Variants in NCKAP5 observed in about 807,000 individuals in gnomAD.
NCKAP5 encodes the protein nck-associated protein 5.
In NCKAP5, 92 loss-of-function variants were observed where a neutral mutation model predicts 167.0. The ratio of observed to expected loss-of-function variants is 0.55; its 90% CI spans 0.47 to 0.66. The LOEUF (loss-of-function observed/expected upper bound fraction) is 0.66. NCKAP5 is among the 30% of genes least tolerant of loss of function. NCKAP5 has a pLI of 0.00. For synonymous variants in NCKAP5, 891 were observed against 877.4 expected (o/e 1.02, Z -0.27); for missense variants, 2,378 against 2,315.0 (o/e 1.03, Z -0.56).
chr2:132,932,586 T>C (rs1696473981), intron 8 of NCKAP5, among the ~76,000 whole-genome samples: 1 of 152,142 alleles, frequency 6.6e-6, no homozygotes, highest in Non-Finnish European at 1.5e-5. Context: ...ATGGGAAAGG[T>C]GACAACTGCT....
intron 9 of NCKAP5, among the ~76,000 whole-genome samples, chr2:132,877,140 C>T (rs915095547): frequency 3.3e-5 from 5 of 152,126 alleles, no homozygotes; most frequent in Admixed American, 1.3e-4. Flanking sequence ...GACTGGACCA[C>T]GAGCCCAGGG....
intron 3 of NCKAP5, among the ~76,000 whole-genome samples, chr2:133,377,757 C>T (rs1406851388): frequency 6.6e-6 from 1 of 152,176 alleles, no homozygotes; most frequent in Non-Finnish European, 1.5e-5. Flanking sequence ...CAAAAGAACA[C>T]ATACCACATG....
chr2:132,762,539 C>A (rs1373943202), intron 16 of NCKAP5, among the ~76,000 whole-genome samples: 5 of 152,144 alleles, frequency 3.3e-5, no homozygotes, highest in African/African-American at 1.2e-4. Flanking sequence ...GGGGAAAGGG[C>A]AAAACTTACT....
chr2:132,774,429 A>G (rs1682366860), intron 15 of NCKAP5, among the ~76,000 whole-genome samples: 2 of 152,288 alleles, frequency 1.3e-5, no homozygotes, highest in South Asian at 4.1e-4. Context: ...GGAGATGACA[A>G]TGATGTATGT....
At chr2:132,842,720 T>C (rs1449205651) in intron 11 of NCKAP5, among the ~76,000 whole-genome samples, 1 of 147,246 alleles carries the variant, frequency 6.8e-6, no homozygotes, top group African/African-American at 2.5e-5. Flanking sequence ...ATGATTTTTC[T>C]TTTTCATTTT....
intron 8 of NCKAP5, among the ~76,000 whole-genome samples, chr2:132,883,268 A>G (rs893097508): frequency 6.0e-5 from 9 of 150,644 alleles, no homozygotes; most frequent in African/African-American, 2.2e-4. Context: ...ACTCCCTCCT[A>G]TTACATATCC....
chr2:132,675,518 T>C (rs10171205), intron 19 of NCKAP5, among the ~76,000 whole-genome samples: 8,812 of 152,080 alleles, frequency 0.058, 788 homozygotes, highest in African/African-American at 0.2. Flanking sequence ...TGCAAGTTCT[T>C]GGATCCCACC....
At chr2:133,293,493 G>T (rs556102650) in intron 4 of NCKAP5, among the ~76,000 whole-genome samples, 130 of 152,280 alleles carry the variant, frequency 8.5e-4, no homozygotes, top group African/African-American at 3.0e-3. Context: ...CTTTCTGGAC[G>T]TAGTTCTACT....
chr2:133,182,991 A>G (rs143572924), intron 5 of NCKAP5, among the ~76,000 whole-genome samples: 385 of 152,330 alleles, frequency 2.5e-3, no homozygotes, highest in African/African-American at 8.9e-3. Context: ...CACTGCATAC[A>G]TAAATTTGAC....
chr2:133,345,312 T>C (rs1293329027), intron 3 of NCKAP5, among the ~76,000 whole-genome samples: 1 of 152,000 alleles, frequency 6.6e-6, no homozygotes, highest in Non-Finnish European at 1.5e-5. Context: ...CTCCCCAAGT[T>C]TGCGTTTTTG....
At chr2:133,240,338 C>T (rs1234722972) in intron 4 of NCKAP5, among the ~76,000 whole-genome samples, 1 of 152,156 alleles carries the variant, frequency 6.6e-6, no homozygotes, top group Admixed American at 6.5e-5. Flanking sequence ...TGACTTAGAA[C>T]AGTACAAGAG....
chr2:133,134,576 C>T (rs527515708), intron 5 of NCKAP5, among the ~76,000 whole-genome samples: 1 of 152,160 alleles, frequency 6.6e-6, no homozygotes, highest in East Asian at 1.9e-4. Context: ...AATACTTTTC[C>T]TATTTGGACA....
chr2:132,823,174 A>C (rs770898622), intron 11 of NCKAP5, among the ~76,000 whole-genome samples: 59 of 152,250 alleles, frequency 3.9e-4, no homozygotes, highest in Admixed American at 1.3e-4. Context: ...AGAGATCTAG[A>C]CATTCAAATA....
At position 132,673,027 on chromosome 2, in the gene NCKAP5, T is replaced by C; in HGVS notation, c.*262A>G. On this transcript the variant is annotated 3_prime_UTR_variant, in exon 20 of 20. Transcript: ENST00000409261. ...TCACTAAGGGAAGAGATGTCCTTTA[T>C]ACATCATTTGAACCTTGACTGGCAC... The C allele has an allele frequency of 1.0e-6, 1 of 995,184 alleles. No individual in the cohort carries two copies. The highest frequency in any genetic ancestry group is 1.2e-6 in the Non-Finnish European group (1 of 842,652). The allele number at this position is 995,184 out of a possible 1,614,324, so 61.6% of individuals were successfully genotyped here. A position where few individuals can be genotyped will look rare whatever the true frequency, so the allele number is the denominator to read the frequency against.
chr2:133,153,765 TA>T (rs140476240), intron 5 of NCKAP5, among the ~76,000 whole-genome samples: 31,967 of 150,804 alleles, frequency 0.21, 3,554 homozygotes, highest in African/African-American at 0.23. Flanking sequence ...AACACACCCC[TA>T]ATCGCCTTAG....
At chr2:133,205,588 T>C (rs1044289851) in intron 5 of NCKAP5, among the ~76,000 whole-genome samples, 1 of 152,168 alleles carries the variant, frequency 6.6e-6, no homozygotes, top group Non-Finnish European at 1.5e-5. Context: ...TTTATAATCA[T>C]GTCATATGTA....
At chr2:133,476,515 T>C (rs1279725472) in intron 3 of NCKAP5, among the ~76,000 whole-genome samples, 1 of 152,202 alleles carries the variant, frequency 6.6e-6, no homozygotes, top group Non-Finnish European at 1.5e-5. Flanking sequence ...TTATCATTGA[T>C]GGATAAGTCA....
intron 2 of NCKAP5, among the ~76,000 whole-genome samples, chr2:133,553,624 C>T (rs1355862655): frequency 6.6e-6 from 1 of 152,066 alleles, no homozygotes; most frequent in Non-Finnish European, 1.5e-5. Context: ...AGCCAAATCA[C>T]AGAAGCAGGA....
chr2:132,748,210 G>A (rs1236571788), intron 16 of NCKAP5, among the ~76,000 whole-genome samples: 1 of 152,184 alleles, frequency 6.6e-6, no homozygotes, highest in Non-Finnish European at 1.5e-5. Flanking sequence ...AAGGGAGAGA[G>A]AAGTTGACTC....
Sources: allele counts gnomAD v4.1 joint callset (sites outside exome capture counted in the v4.1 genomes callset), GRCh38; gene constraint gnomAD v4.1.1; transcripts MANE v1.5; gene names NCBI Gene and HGNC (gene_info 2026-07-23, HGNC 2026-07-21).